Variants in KCNIP1 observed in about 807,000 individuals in gnomAD.
The protein encoded by KCNIP1 is potassium voltage-gated channel interacting protein 1.
In KCNIP1, 18 loss-of-function variants were observed where a neutral mutation model predicts 33.0. That is an observed-to-expected ratio of 0.55 (90% CI 0.38 to 0.81). KCNIP1 has a LOEUF of 0.81. Ranked by LOEUF, KCNIP1 falls within the 30% of genes least tolerant of loss-of-function variation. The pLI, the probability that KCNIP1 is intolerant of heterozygous loss-of-function variation, is 0.00. For missense variants in KCNIP1, 238 were observed against 271.6 expected (o/e 0.88, Z 0.87); for synonymous variants, 93 against 98.3 (o/e 0.95, Z 0.32).
chr5:170,628,249 A>G (rs149291398), intron 1 of KCNIP1, among the ~76,000 whole-genome samples: 7 of 152,230 alleles, frequency 4.6e-5, no homozygotes, highest in South Asian at 2.1e-4. Flanking sequence ...TCCCAGGCAC[A>G]CACAGCCACC....
intron 1 of KCNIP1, among the ~76,000 whole-genome samples, chr5:170,701,395 A>G (rs765790406): frequency 4.6e-5 from 7 of 152,208 alleles, no homozygotes; most frequent in Admixed American, 3.3e-4. Context: ...TGGGAGTTCC[A>G]AGTCAGAGCT....
intron 1 of KCNIP1, among the ~76,000 whole-genome samples, chr5:170,388,278 C>T (rs1764567445): frequency 6.6e-6 from 1 of 152,192 alleles, no homozygotes; most frequent in African/African-American, 2.4e-5. Flanking sequence ...ATAAATCCTC[C>T]TAAGACCATG....
intron 1 of KCNIP1, among the ~76,000 whole-genome samples, chr5:170,652,643 C>T (rs539901391): frequency 4.6e-5 from 7 of 152,180 alleles, no homozygotes; most frequent in African/African-American, 4.8e-5. Context: ...AGTAGAGCAC[C>T]GAATTGTGGA....
chr5:170,727,902 C>A (rs978268176), intron 5 of KCNIP1, among the ~76,000 whole-genome samples: 3 of 152,136 alleles, frequency 2.0e-5, no homozygotes, highest in Admixed American at 2.0e-4. Context: ...AATCACTGCA[C>A]CACACTCCAG....
intron 1 of KCNIP1, among the ~76,000 whole-genome samples, chr5:170,691,437 C>G (rs1003061261): frequency 6.6e-6 from 1 of 152,210 alleles, no homozygotes; most frequent in East Asian, 1.9e-4. Flanking sequence ...GACCCCAGTT[C>G]TGCCATTTGC....
intron 1 of KCNIP1, among the ~76,000 whole-genome samples, chr5:170,665,486 G>A (rs1761669709): frequency 6.6e-6 from 1 of 152,138 alleles, no homozygotes; most frequent in African/African-American, 2.4e-5. Context: ...CTTCATTTTA[G>A]AATAGTTTTA....
intron 1 of KCNIP1, among the ~76,000 whole-genome samples, chr5:170,517,097 A>T (rs368997708): frequency 2.0e-5 from 3 of 152,126 alleles, no homozygotes; most frequent in Non-Finnish European, 4.4e-5. Context: ...TATGAAGAAA[A>T]GAGGCTTAAC....
intron 1 of KCNIP1, among the ~76,000 whole-genome samples, chr5:170,679,626 AGTGTGTGTGTGTGTGT>A (rs58712710): frequency 6.9e-6 from 1 of 144,410 alleles, no homozygotes; most frequent in Non-Finnish European, 1.5e-5. Context: ...TGTATATGAC[AGTGTGTGTGTGTGTGT>A]GTGTGTGTGT....
intron 1 of KCNIP1, among the ~76,000 whole-genome samples, chr5:170,511,423 C>T (rs1215801139): frequency 6.6e-6 from 1 of 152,208 alleles, no homozygotes; most frequent in Non-Finnish European, 1.5e-5. Context: ...CTCCCCATCC[C>T]TTTGAGCTGT....
chr5:170,435,456 C>T (rs1755840714), intron 1 of KCNIP1, among the ~76,000 whole-genome samples: 2 of 152,230 alleles, frequency 1.3e-5, no homozygotes, highest in African/African-American at 4.8e-5. Context: ...CCCCAACACC[C>T]CCGAGTTTCC....
intron 1 of KCNIP1, among the ~76,000 whole-genome samples, chr5:170,603,577 GT>G (rs1581386912): frequency 3.3e-5 from 5 of 152,290 alleles, no homozygotes; most frequent in African/African-American, 1.2e-4. Context: ...GTGCACAGGG[GT>G]CTGAGCAGGA....
At position 170,697,247 on chromosome 5, in the gene KCNIP1, C is replaced by T. The variant is rs1762928970; in HGVS notation, c.62-21511C>T. ...CATCCCAGAGCACCAAATAGCTTTC[C>T]CTTGCAGCACTTCTCACAGCTGTCA... is the stretch of plus-strand genomic sequence containing the variant. On this transcript the variant is annotated intron_variant, in intron 1 of 7. Transcript: ENST00000328939. Among the ~76,000 whole-genome samples, 3 of 152,240 alleles carry T rather than the reference C, an allele frequency of 2.0e-5. No homozygotes were observed. In the South Asian group the frequency reaches 6.2e-4, roughly 32 times the overall value.
At chr5:170,699,572 A>AC (rs1561771820) in intron 1 of KCNIP1, among the ~76,000 whole-genome samples, 2 of 149,046 alleles carry the variant, frequency 1.3e-5, no homozygotes, top group Non-Finnish European at 3.0e-5. Flanking sequence ...AAAAAAAAAA[A>AC]AAAAAAGTTT....
chr5:170,427,178 C>G (rs760158687), intron 1 of KCNIP1, among the ~76,000 whole-genome samples: 4 of 152,224 alleles, frequency 2.6e-5, no homozygotes, highest in Non-Finnish European at 5.9e-5. Context: ...TCCTCCTCTG[C>G]AAGTCACAGC....
chr5:170,451,399 C>T (rs1756246159), intron 1 of KCNIP1, among the ~76,000 whole-genome samples: 1 of 151,952 alleles, frequency 6.6e-6, no homozygotes, highest in South Asian at 2.1e-4. Context: ...TAACACAAGC[C>T]CCCATCCTTT....
intron 1 of KCNIP1, among the ~76,000 whole-genome samples, chr5:170,530,779 G>A (rs780345873): frequency 2.0e-5 from 3 of 152,202 alleles, no homozygotes; most frequent in Admixed American, 6.5e-5. Context: ...TGGATGAAGC[G>A]TGAATTCATT....
chr5:170,604,175 G>A (rs1758806090), intron 1 of KCNIP1, among the ~76,000 whole-genome samples: 1 of 152,126 alleles, frequency 6.6e-6, no homozygotes, highest in African/African-American at 2.4e-5. Flanking sequence ...TACCAAGATG[G>A]GAAGGGCCGG....
intron 1 of KCNIP1, among the ~76,000 whole-genome samples, chr5:170,618,508 GAGGA>G (rs377073410): frequency 6.3e-5 from 6 of 95,752 alleles, no homozygotes; most frequent in African/African-American, 1.8e-4. Flanking sequence ...GGGAGGAAAG[GAGGA>G]AGGAAGGGAG....
At position 170,546,988 on chromosome 5, in the gene KCNIP1, T is replaced by C. The variant is rs187260923; in HGVS notation, c.61+42355T>C. Among the ~76,000 whole-genome samples the C allele has an allele frequency of 3.6e-3, 548 of 152,324 alleles. 3 individuals are homozygous for C. Among genetic ancestry groups the C allele is most frequent in the African/African-American group, 0.013 (525 of 41,576 alleles). On this transcript the variant is annotated intron_variant, in intron 1 of 7. Coordinates refer to ENST00000328939, the MANE Select transcript of KCNIP1 (RefSeq NM_014592.4). ...TTTATTTATTCAAACATAAAAAATTTGTTTGCTCTCATTCTTGAAATGTAA... is the reference window on the plus strand; with the variant it reads ...TTTATTTATTCAAACATAAAAAATTCGTTTGCTCTCATTCTTGAAATGTAA...
Sources: gnomAD v4.1 joint callset for allele counts (sites outside exome capture counted in the v4.1 genomes callset) on GRCh38, gnomAD v4.1.1 for gene constraint, MANE v1.5 for transcripts, NCBI Gene and HGNC (gene_info 2026-07-23, HGNC 2026-07-21) for gene names.